PRDM16: variants seen among roughly 807,000 people sequenced by gnomAD.
PRDM16 encodes histone-lysine N-methyltransferase PRDM16.
In PRDM16, 23 loss-of-function variants were observed where a neutral mutation model predicts 110.6. The ratio of observed to expected loss-of-function variants is 0.21; its 90% CI spans 0.15 to 0.29. PRDM16 has a LOEUF of 0.29. Among genes scored for constraint, PRDM16 ranks in the 10% least tolerant of loss-of-function variants. The pLI, the probability that PRDM16 is intolerant of heterozygous loss-of-function variation, is 1.00. For synonymous variants in PRDM16, 799 were observed against 781.8 expected (o/e 1.02, Z -0.37); for missense variants, 1,615 against 1,794.3 (o/e 0.90, Z 1.81).
At position 3,146,223 on chromosome 1, in the gene PRDM16, G is replaced by C. The variant is rs1622545; in HGVS notation, c.38-39902G>C. The stretch of plus-strand genomic sequence containing the variant: ...CTCCTTACCCTCGGAGGGTGGAAAC[G>C]GGGGGGCCCGCTAACCAATGAACGT... On this transcript the variant is annotated intron_variant, in intron 1 of 16. Transcript: ENST00000270722. 6.3e-3 allele frequency among the ~76,000 whole-genome samples: 965 copies of C among 152,068 alleles called. 7 individuals are homozygous for C. The highest frequency in any genetic ancestry group is 0.022 in the African/African-American group (910 of 41,486).
At chr1:3,072,129 G>T (rs1204101566) in intron 1 of PRDM16, among the ~76,000 whole-genome samples, 1 of 152,044 alleles carries the variant, frequency 6.6e-6, no homozygotes, top group Non-Finnish European at 1.5e-5. Context: ...CAGGGACAGG[G>T]TCCCCCCTAC....
rs554383246 is a variant in PRDM16 at position 3,186,002 on chromosome 1, G to A, written c.38-123G>A. The A allele has an allele frequency of 8.1e-4, 628 of 778,840 alleles. 1 individual carries two copies. The highest frequency in any genetic ancestry group is 1.1e-3 in the Non-Finnish European group (520 of 462,814). The allele number at this position is 778,840 out of a possible 1,614,324, so 48.2% of individuals were successfully genotyped here. A position where few individuals can be genotyped will look rare whatever the true frequency, so the allele number is the denominator to read the frequency against. ...CGTCTCCCGGGCAGGGGTGGCAGCC[G>A]GGCCTTCTGGGCCCCTGAGCACCCT... is the stretch of plus-strand genomic sequence containing the variant. On this transcript the variant is annotated intron_variant, in intron 1 of 16. Coordinates refer to ENST00000270722, the MANE Select transcript of PRDM16 (RefSeq NM_022114.4).
At position 3,157,488 on chromosome 1, in the gene PRDM16, T is replaced by G. The variant is rs1643868536; in HGVS notation, c.38-28637T>G. 7.0e-6 allele frequency among the ~76,000 whole-genome samples: 1 copy of G among 142,712 alleles called. No homozygotes were observed. The highest frequency in any genetic ancestry group is 1.5e-5 in the Non-Finnish European group (1 of 67,028). The allele number at this position is 142,712 out of a possible 152,430, so 93.6% of individuals were successfully genotyped here. A position where few individuals can be genotyped will look rare whatever the true frequency, so the allele number is the denominator to read the frequency against. Reference sequence around the variant, plus strand: ...GTTGATTGTCTCTTGAAAACAGACATGGGCCAGATCCAGTTGTTTGGTAGG... The same window carrying G: ...GTTGATTGTCTCTTGAAAACAGACAGGGGCCAGATCCAGTTGTTTGGTAGG... On this transcript the variant is annotated intron_variant, in intron 1 of 16. Transcript: ENST00000270722. This position sits in a 1 kb window ranked among gnomAD's most constrained non-coding sequence, Gnocchi z 4.8.
chr1:3,380,832 A>G (rs1643089677), intron 3 of PRDM16, among the ~76,000 whole-genome samples: 1 of 152,222 alleles, frequency 6.6e-6, no homozygotes, highest in Non-Finnish European at 1.5e-5. Flanking sequence ...GACTCGATGC[A>G]TTCAACAATA....
intron 3 of PRDM16, among the ~76,000 whole-genome samples, chr1:3,297,472 C>T (rs770343228): frequency 1.3e-4 from 20 of 151,904 alleles, no homozygotes; most frequent in Admixed American, 2.6e-4. Flanking sequence ...TTAGTAGAGA[C>T]GGGGTTTTGC....
At chr1:3,408,594 G>C (rs201271440) in intron 8 of PRDM16, among the ~76,000 whole-genome samples, 19 of 145,796 alleles carry the variant, frequency 1.3e-4, no homozygotes, top group African/African-American at 4.6e-4. Flanking sequence ...GAGTGTGGGT[G>C]TGTGAGCTGG....
intron 4 of PRDM16, among the ~76,000 whole-genome samples, chr1:3,386,366 G>A (rs564353317): frequency 6.6e-6 from 1 of 152,334 alleles, no homozygotes; most frequent in Admixed American, 6.5e-5. Flanking sequence ...AAACAATTTT[G>A]CATTAAGAAA....
Position 3,116,673 on chromosome 1 carries a change from C to T in PRDM16, c.37+47377C>T, listed in dbSNP as rs140652437. On this transcript the variant is annotated intron_variant, in intron 1 of 16. Transcript: ENST00000270722. ...TGGCCTGTCACTGCGGGTCTATGCC[C>T]GAGCTCTGGCCAGACGATGGTCAGG... 2.1e-4 allele frequency among the ~76,000 whole-genome samples: 32 copies of T among 152,318 alleles called. No individual in the cohort carries two copies. In the South Asian group the frequency reaches 2.9e-3, roughly 14 times the overall value.
At chr1:3,335,602 A>AACACACACAC (rs3036535) in intron 3 of PRDM16, among the ~76,000 whole-genome samples, 9,257 of 144,280 alleles carry the variant, frequency 0.064, 318 homozygotes, top group East Asian at 0.091. Flanking sequence ...CTGAGGTTAA[A>AACACACACAC]ACACACACAC....
chr1:3,408,515 C>T (rs112510808), intron 8 of PRDM16, among the ~76,000 whole-genome samples: 67 of 148,752 alleles, frequency 4.5e-4, no homozygotes, highest in Admixed American at 1.1e-3. Context: ...TGCACCGGTG[C>T]GTGTGTGTGT....
At chr1:3,295,195 G>A (rs1641060188) in intron 3 of PRDM16, among the ~76,000 whole-genome samples, 2 of 152,226 alleles carry the variant, frequency 1.3e-5, no homozygotes, top group African/African-American at 4.8e-5. Flanking sequence ...AGAACGAGGA[G>A]CCAGGCCATT....
rs1423031848 is a variant in PRDM16, at chr1:3,243,444, C to T, written c.388-643C>T. Among the ~76,000 whole-genome samples, 2 of 152,200 alleles carry T rather than the reference C, an allele frequency of 1.3e-5. No homozygotes were observed. The highest frequency in any genetic ancestry group is 2.4e-5 in the African/African-American group (1 of 41,440). ...TCTCCCTCCAGCACCCACCAAGCCACCCTTCCGCAGGGCGTTGGCCGACCT... is the reference window on the plus strand; with the variant it reads ...TCTCCCTCCAGCACCCACCAAGCCATCCTTCCGCAGGGCGTTGGCCGACCT... On this transcript the variant is annotated intron_variant, in intron 2 of 16. Coordinates refer to ENST00000270722, the MANE Select transcript of PRDM16 (RefSeq NM_022114.4). This position sits in a 1 kb window ranked among gnomAD's most constrained non-coding sequence, Gnocchi z 5.5.
At position 3,256,800 on chromosome 1, in the gene PRDM16, T is replaced by C. The variant is rs1363856220; in HGVS notation, c.438+12663T>C. Among the ~76,000 whole-genome samples the C allele has an allele frequency of 2.6e-5, 4 of 152,154 alleles. No individual in the cohort carries two copies. The South Asian group carries it at 8.3e-4, about 32-fold the overall frequency. ...TGAACCCAGGAGGCAGAGCTTGCAG[T>C]GAGCCGAGATGGCACCACTGCACTC... On this transcript the variant is annotated intron_variant, in intron 3 of 16. Transcript: ENST00000270722.
At chr1:3,301,879 G>A (rs528250921) in intron 3 of PRDM16, among the ~76,000 whole-genome samples, 4 of 152,276 alleles carry the variant, frequency 2.6e-5, no homozygotes, top group East Asian at 3.9e-4. Flanking sequence ...ATCTCCTGAC[G>A]CCCCCTGTTT....
rs529884111 is a variant in PRDM16, at chr1:3,081,497, G to A, written c.37+12201G>A. ...GTGAGGAGCAGGGCTGAGGTGGGGA[G>A]AACGCCGACTTGCATTTTCTGACAG... On this transcript the variant is annotated intron_variant, in intron 1 of 16. Coordinates refer to ENST00000270722, the MANE Select transcript of PRDM16 (RefSeq NM_022114.4). The surrounding 1 kb of genome is among the most constrained non-coding windows in gnomAD (Gnocchi z 4.6). Among the ~76,000 whole-genome samples, 1 of 152,284 alleles carries A rather than the reference G, an allele frequency of 6.6e-6. No homozygotes were observed. Among genetic ancestry groups the A allele is most frequent in the East Asian group, 1.9e-4 (1 of 5,148 alleles).
At chr1:3,172,034 G>A (rs371741475) in intron 1 of PRDM16, among the ~76,000 whole-genome samples, 3 of 152,314 alleles carry the variant, frequency 2.0e-5, no homozygotes, top group Admixed American at 6.5e-5. Context: ...GGTACTCAAC[G>A]GCTCCACGAT....
intron 1 of PRDM16, among the ~76,000 whole-genome samples, chr1:3,146,265 G>C (rs1569681709): frequency 6.6e-6 from 1 of 152,210 alleles, no homozygotes; most frequent in African/African-American, 2.4e-5. Context: ...ACTTCATCTG[G>C]GGTGGGGGGG....
At chr1:3,417,759 A>C (rs1244031370) in intron 10 of PRDM16, 69 bp from the exon 11 acceptor site, 1 of 1,340,620 alleles carries the variant, frequency 7.5e-7, no homozygotes, top group Non-Finnish European at 1.1e-6. Flanking sequence ...CAGAACCCCC[A>C]GCAGTGCGTG....
At position 3,435,054 on chromosome 1, in the gene PRDM16, C is replaced by CG; in HGVS notation, c.*1248dup. 1 of 227,240 alleles carries CG rather than the reference C, an allele frequency of 4.4e-6. No homozygotes were observed. Among genetic ancestry groups the CG allele is most frequent in the Non-Finnish European group, 8.8e-6 (1 of 114,214 alleles). The allele number at this position is 227,240 out of a possible 1,614,324, so 14.1% of individuals were successfully genotyped here. On this transcript the variant is annotated 3_prime_UTR_variant, in exon 17 of 17. Transcript: ENST00000270722. ...ACACAGCTTGAGAACAGAAGGGCGT[C>CG]GGGGGAACCTGCCGCAAGGAGCAGA... is the stretch of plus-strand genomic sequence containing the variant.
Sources: gnomAD v4.1 joint callset for allele counts (sites outside exome capture counted in the v4.1 genomes callset) on GRCh38, gnomAD v4.1.1 for gene constraint, Gnocchi (gnomAD v3.1) non-coding constraint, MANE v1.5 for transcripts, NCBI Gene and HGNC (gene_info 2026-07-23, HGNC 2026-07-21) for gene names.